The following FLG variants were observed in gnomAD, a reference collection of about 807,000 sequenced individuals.
The protein encoded by FLG is filaggrin.
In FLG, 6 loss-of-function variants were observed where a neutral mutation model predicts 3.8. That is an observed-to-expected ratio of 1.60 (90% confidence interval 0.87 to 3.15). The LOEUF (loss-of-function observed/expected upper bound fraction) is 3.15. Among genes scored for constraint, FLG ranks in the 30% most tolerant of loss-of-function variants. The probability of loss-of-function intolerance (pLI) is 0.00; values close to 1 mark genes in which losing one functional copy is unlikely to be tolerated. For missense variants in FLG, 7,595 were observed against 5,050.9 expected (o/e 1.50, Z -15.27); for synonymous variants, 2,551 against 1,931.6 (o/e 1.32, Z -8.41).
At position 152,304,250 on chromosome 1, in the gene FLG, G is replaced by A. The variant is rs751218584; in HGVS notation, c.10636C>T (p.Gln3546Ter). The part of the protein sequence containing the change: ...GSSVSQDSDS[Q>*]GHSEDSERWS... ...CTCTCAGAGTCTTCTGAGTGTCCCTGACTGTCACTGTCCTGGCTAACACTG... is the reference window on the plus strand; with the variant it reads ...CTCTCAGAGTCTTCTGAGTGTCCCTAACTGTCACTGTCCTGGCTAACACTG... Residue 3546 changes from glutamine (Q) to a stop codon, truncating the protein, a stop_gained, in exon 3 of 3, where the codon CAG becomes TAG. Coordinates refer to ENST00000368799, the MANE Select transcript of FLG (RefSeq NM_002016.2). LOFTEE classifies it low-confidence loss of function (END_TRUNC). The A allele has an allele frequency of 1.2e-6, 2 of 1,612,848 alleles. No homozygotes were observed. The highest frequency in any genetic ancestry group is 1.7e-6 in the Non-Finnish European group (2 of 1,179,642).
At position 152,305,741 on chromosome 1, in the gene FLG, G is replaced by T. The variant is rs753755437; in HGVS notation, c.9145C>A (p.Arg3049Ser). 4 of 1,196,148 alleles carry T rather than the reference G, an allele frequency of 3.3e-6. No homozygotes were observed. The Admixed American group carries it at 7.3e-5, about 22-fold the overall frequency. 74.1% of individuals were successfully genotyped at this position (1,196,148 alleles called of 1,614,324 possible). Reference protein sequence around the residue: ...SHQQSHQESARGRSGETSGHS... With the variant: ...SHQQSHQESASGRSGETSGHS... ...CCAGACGTTTCCCCTGACCGGCCAC[G>T]TGCGGACTCTTGGTGGCTCTGCTGA... The change falls in exon 3 of 3, where the codon CGT (arginine) becomes AGT (serine). Residue 3049 changes from arginine (R) to serine (S), a missense_variant. Coordinates refer to ENST00000368799, the MANE Select transcript of FLG (RefSeq NM_002016.2).
At position 152,307,042 on chromosome 1, in the gene FLG, C is replaced by T. The variant is rs763882165; in HGVS notation, c.7844G>A (p.Gly2615Asp). The T allele has an allele frequency of 2.5e-6, 4 of 1,605,298 alleles. No individual in the cohort carries two copies. The highest frequency in any genetic ancestry group is 3.4e-6 in the Non-Finnish European group (4 of 1,178,596). The change falls in exon 3 of 3, where the codon GGT (glycine) becomes GAT (aspartate). Residue 2615 changes from glycine (G) to aspartate (D), a missense_variant. Coordinates refer to ENST00000368799, the MANE Select transcript of FLG (RefSeq NM_002016.2). ...GGAGCTGTCTGCAGAGTGCCCATGA[C>T]CAGCTCTGTCTTCTTGATGGGACCT... ...HPRSHQEDRA[G>D]HGHSADSSRQ...
chr1:152,302,812 G>A lies in FLG; in HGVS notation c.12074C>T (p.Pro4025Leu). ...CKASAFGKDHPRYYATYINKD... is the reference protein window; with the variant it reads ...CKASAFGKDHLRYYATYINKD... The stretch of plus-strand genomic sequence containing the variant: ...ATTAATATACGTTGCATAATACCTT[G>A]GATGATCTTTACCAAACGCACTTGC... The change falls in exon 3 of 3, where the codon CCA (proline) becomes CTA (leucine). Residue 4025 changes from proline (P) to leucine (L), a missense_variant. Coordinates refer to ENST00000368799, the MANE Select transcript of FLG (RefSeq NM_002016.2). The A allele has an allele frequency of 6.2e-7, 1 of 1,614,092 alleles. No individual in the cohort carries two copies. The highest frequency in any genetic ancestry group is 8.5e-7 in the Non-Finnish European group (1 of 1,180,016).
intron 1 of FLG, among the ~76,000 whole-genome samples, chr1:152,321,991 C>T (rs1652993456): frequency 6.6e-6 from 1 of 151,040 alleles, no homozygotes; most frequent in Non-Finnish European, 1.5e-5. Context: ...TTTGGATTAA[C>T]ATTTGAAAAC....
Position 152,309,000 on chromosome 1 carries a change from T to G in FLG, c.5886A>C (p.Glu1962Asp). 6.2e-7 allele frequency: 1 copy of G among 1,614,158 alleles called. No homozygotes were observed. Among genetic ancestry groups the G allele is most frequent in the Non-Finnish European group, 8.5e-7 (1 of 1,180,008 alleles). Residue 1962 changes from glutamate (E) to aspartate (D), a missense_variant, in exon 3 of 3, where the codon GAA (glutamate) becomes GAC (aspartate). Coordinates refer to ENST00000368799, the MANE Select transcript of FLG (RefSeq NM_002016.2). The stretch of plus-strand genomic sequence containing the variant: ...CAGAGTGCCCGTGACCGGCTCTGTC[T>G]TCGTGATGGGACCCAGGGTGTCTGG... Reference protein sequence around the residue: ...DGSRHPGSHHEDRAGHGHSAD... With the variant: ...DGSRHPGSHHDDRAGHGHSAD...
intron 1 of FLG, among the ~76,000 whole-genome samples, chr1:152,322,788 G>C (rs1281940803): frequency 6.6e-6 from 1 of 151,260 alleles, no homozygotes; most frequent in Non-Finnish European, 1.5e-5. Flanking sequence ...ATAGCATTAA[G>C]ATATCAAATC....
In FLG at chr1:152,312,329, G is replaced by T. The variant is rs1053201322; in HGVS notation, c.2557C>A (p.Gln853Lys). Reference sequence around the variant, plus strand: ...ACCGATTGCTCGTGGTGGGACCCCTGCCTTCCTCTTCTGCTTGACCCCGGG... The same window carrying T: ...ACCGATTGCTCGTGGTGGGACCCCTTCCTTCCTCTTCTGCTTGACCCCGGG... ...GHPGSSRRGR[Q>K]GSHHEQSVDR... is the part of the protein sequence containing the mutation. The change falls in exon 3 of 3, where the codon CAG (glutamine) becomes AAG (lysine). Residue 853 changes from glutamine (Q) to lysine (K), a missense_variant. Transcript: ENST00000368799. 15 of 1,613,092 alleles carry T rather than the reference G, an allele frequency of 9.3e-6. No individual in the cohort carries two copies. The highest frequency in any genetic ancestry group is 1.6e-4 in the Middle Eastern group (1 of 6,080).
chr1:152,308,632 C>A lies in FLG; in HGVS notation c.6254G>T (p.Gly2085Val). 6.2e-7 allele frequency: 1 copy of A among 1,614,140 alleles called. No homozygotes were observed. The highest frequency in any genetic ancestry group is 8.5e-7 in the Non-Finnish European group (1 of 1,180,008). Residue 2085 changes from glycine to valine, a missense_variant, in exon 3 of 3, where the codon GGA (glycine) becomes GTA (valine). By Grantham distance (109) the Gly-to-Val change is moderately radical. Transcript: ENST00000368799. ...SARGQSGESS[G>V]RSGSFLYQVS... is the part of the protein sequence containing the mutation. Reference sequence around the variant, plus strand: ...CTGGTAGAGGAAAGACCCTGAACGTCCAGAGCTTTCCCCTGACTGGCCACG... The same window carrying A: ...CTGGTAGAGGAAAGACCCTGAACGTACAGAGCTTTCCCCTGACTGGCCACG...
chr1:152,314,328 G>GT lies in FLG; in HGVS notation c.557dup (p.Asn186LysfsTer4), dbSNP rs771721862. The stretch of plus-strand genomic sequence containing the variant: ...CTCCTAATCTAGTATTTTCAGTCTT[G>GT]TTTTTCTCTTTTTTACTTGAGTTAT... On this transcript the variant is annotated frameshift_variant, in exon 3 of 3. Transcript: ENST00000368799. LOFTEE classifies it low-confidence loss of function (END_TRUNC). 100 of 1,611,814 alleles carry GT rather than the reference G, an allele frequency of 6.2e-5. No individual in the cohort carries two copies. The highest frequency in any genetic ancestry group is 2.5e-5 in the Non-Finnish European group (29 of 1,179,346).
rs761473196 is a variant in FLG, at chr1:152,310,452, C to A, written c.4434G>T (p.Arg1478Ser). Reference protein sequence around the residue: ...SRHEQARNSSRHSASQDGQDT... With the variant: ...SRHEQARNSSSHSASQDGQDT... ...CCTGACCGTCTTGGGATGCTGAGTG[C>A]CTAGAGCTGTTTCGTGCCTGCTCAT... is the stretch of plus-strand genomic sequence containing the variant. The change falls in exon 3 of 3, where the codon AGG (arginine) becomes AGT (serine). Residue 1478 changes from arginine to serine, a missense_variant. Transcript: ENST00000368799. 6.2e-7 allele frequency: 1 copy of A among 1,613,488 alleles called. No individual in the cohort carries two copies. Among genetic ancestry groups the A allele is most frequent in the South Asian group, 1.1e-5 (1 of 91,056 alleles).
At position 152,303,579 on chromosome 1, in the gene FLG, T is replaced by C. The variant is rs1021240059; in HGVS notation, c.11307A>G (p.Arg3769=). The change falls in exon 3 of 3, where the codon AGA becomes AGG. Residue 3769 remains arginine (R), a synonymous_variant. Coordinates refer to ENST00000368799, the MANE Select transcript of FLG (RefSeq NM_002016.2). ...RGHPGSRRGG[R]QGSYHEQSVD... Reference sequence around the variant, plus strand: ...CCGATTGCTCGTGGTAGGATCCCTGTCTTCCTCCTCTCCTTGACCCCGGGT... The same window carrying C: ...CCGATTGCTCGTGGTAGGATCCCTGCCTTCCTCCTCTCCTTGACCCCGGGT... The C allele has an allele frequency of 7.1e-5, 115 of 1,613,856 alleles. No homozygotes were observed. The highest frequency in any genetic ancestry group is 3.6e-4 in the East Asian group (16 of 44,862).
At position 152,310,966 on chromosome 1, in the gene FLG, C is replaced by A; in HGVS notation, c.3920G>T (p.Arg1307Ile). The change falls in exon 3 of 3, where the codon AGA becomes ATA. Residue 1307 changes from arginine (R) to isoleucine (I), a missense_variant. By Grantham distance (97) the Arg-to-Ile change is moderately conservative. Transcript: ENST00000368799. ...GTCTTCTTGATGGAACCCAGGGTGT[C>A]TGGAGCCATCTCTTGACTGCTCCCG... ...SSREQSRDGS[R>I]HPGFHQEDRA... 9 of 1,613,980 alleles carry A rather than the reference C, an allele frequency of 5.6e-6. No individual in the cohort carries two copies. Among genetic ancestry groups the A allele is most frequent in the Non-Finnish European group, 6.8e-6 (8 of 1,180,010 alleles).
chr1:152,313,376 A>C lies in FLG; in HGVS notation c.1510T>G (p.Ser504Ala). ...CCCTCTTGGGACGCTGAATGCCTGG[A>C]GCTGTCTCGTGCCTGCTCGTGGTGC... ...GSHHEQARDS[S>A]RHSASQEGQD... The change falls in exon 3 of 3, where the codon TCC (serine) becomes GCC (alanine). Residue 504 changes from serine to alanine, a missense_variant. Coordinates refer to ENST00000368799, the MANE Select transcript of FLG (RefSeq NM_002016.2). 6.2e-7 allele frequency: 1 copy of C among 1,613,058 alleles called. No individual in the cohort carries two copies. The highest frequency in any genetic ancestry group is 1.1e-5 in the South Asian group (1 of 91,004).
Position 152,309,782 on chromosome 1 carries a change from C to A in FLG, c.5104G>T (p.Asp1702Tyr), listed in dbSNP as rs905562362. The A allele has an allele frequency of 6.2e-7, 1 of 1,614,024 alleles. No homozygotes were observed. Among genetic ancestry groups the A allele is most frequent in the South Asian group, 1.1e-5 (1 of 91,064 alleles). The change falls in exon 3 of 3, where the codon GAT becomes TAT. Residue 1702 changes from aspartate (D) to tyrosine (Y), a missense_variant. By Grantham distance (160) the Asp-to-Tyr change is radical. Coordinates refer to ENST00000368799, the MANE Select transcript of FLG (RefSeq NM_002016.2). ...CCACTGTCTCCGACTACAGATGAATCTTGTCTGCGCCCAGTGCCTGAGTCT... is the reference window on the plus strand; with the variant it reads ...CCACTGTCTCCGACTACAGATGAATATTGTCTGCGCCCAGTGCCTGAGTCT... ...STDSGTGRRQ[D>Y]SSVVGDSGNR...
In FLG at chr1:152,305,175, T is replaced by A. The variant is rs1468192023; in HGVS notation, c.9711A>T (p.Arg3237Ser). 6.2e-6 allele frequency: 10 copies of A among 1,613,832 alleles called. No individual in the cohort carries two copies. Among genetic ancestry groups the A allele is most frequent in the Admixed American group, 3.3e-5 (2 of 59,990 alleles). The change falls in exon 3 of 3, where the codon AGA becomes AGT. Residue 3237 changes from arginine to serine, a missense_variant. Arg to Ser is a moderately radical substitution (Grantham distance 110). Transcript: ENST00000368799. ...DSERWSGSAS[R>S]NHRGSVQEQS... The stretch of plus-strand genomic sequence containing the variant: ...GCTCCTGAACAGATCCACGATGGTT[T>A]CTGGAAGCAGACCCAGACCACCTCT...
Position 152,313,602 on chromosome 1 carries a change from A to G in FLG, c.1284T>C (p.His428=). The change falls in exon 3 of 3, where the codon CAT becomes CAC. Residue 428 remains histidine, a synonymous_variant. Transcript: ENST00000368799. ...SGSQASDSEG[H]SENSDTQSVS... is the part of the protein sequence containing the mutation. ...CTGATTGTGTGTCTGAGTTTTCTGA[A>G]TGTCCCTCACTGTCACTGGCCTGAC... 6.2e-7 allele frequency: 1 copy of G among 1,613,162 alleles called. No individual in the cohort carries two copies. Among genetic ancestry groups the G allele is most frequent in the Non-Finnish European group, 8.5e-7 (1 of 1,179,818 alleles).
At position 152,309,781 on chromosome 1, in the gene FLG, T is replaced by G. The variant is rs766812472; in HGVS notation, c.5105A>C (p.Asp1702Ala). ...TCCACTGTCTCCGACTACAGATGAATCTTGTCTGCGCCCAGTGCCTGAGTC... is the reference window on the plus strand; with the variant it reads ...TCCACTGTCTCCGACTACAGATGAAGCTTGTCTGCGCCCAGTGCCTGAGTC... ...STDSGTGRRQ[D>A]SSVVGDSGNR... The change falls in exon 3 of 3, where the codon GAT becomes GCT. Residue 1702 changes from aspartate (D) to alanine (A), a missense_variant. Coordinates refer to ENST00000368799, the MANE Select transcript of FLG (RefSeq NM_002016.2). 20 of 1,613,710 alleles carry G rather than the reference T, an allele frequency of 1.2e-5. No homozygotes were observed. Among genetic ancestry groups the G allele is most frequent in the East Asian group, 2.2e-5 (1 of 44,814 alleles).
Position 152,305,153 on chromosome 1 carries a change from C to T in FLG, c.9733G>A (p.Glu3245Lys), listed in dbSNP as rs541679286. The T allele has an allele frequency of 2.5e-6, 4 of 1,613,760 alleles. No homozygotes were observed. Among genetic ancestry groups the T allele is most frequent in the South Asian group, 2.2e-5 (2 of 91,014 alleles). The change falls in exon 3 of 3, where the codon GAG becomes AAG. Residue 3245 changes from glutamate (E) to lysine (K), a missense_variant. Glu to Lys is a moderately conservative substitution (Grantham distance 56). Coordinates refer to ENST00000368799, the MANE Select transcript of FLG (RefSeq NM_002016.2). Reference protein sequence around the residue: ...ASRNHRGSVQEQSRHGSRHPR... With the variant: ...ASRNHRGSVQKQSRHGSRHPR... Reference sequence around the variant, plus strand: ...TGTCTGGAGCCGTGCCTTGACTGCTCCTGAACAGATCCACGATGGTTTCTG... The same window carrying T: ...TGTCTGGAGCCGTGCCTTGACTGCTTCTGAACAGATCCACGATGGTTTCTG...
rs911979815 is a variant in FLG at position 152,302,434 on chromosome 1, A to C, written c.*266T>G. 1 of 466,382 alleles carries C rather than the reference A, an allele frequency of 2.1e-6. No homozygotes were observed. The highest frequency in any genetic ancestry group is 4.1e-5 in the East Asian group (1 of 24,492). 28.9% of individuals were successfully genotyped at this position (466,382 alleles called of 1,614,324 possible). A position where few individuals can be genotyped will look rare whatever the true frequency, so the allele number is the denominator to read the frequency against. On this transcript the variant is annotated 3_prime_UTR_variant, in exon 3 of 3. Transcript: ENST00000368799. ...AAAAACATAAAACATTACTTGACCCAGAATCTCCTAAAATACTCCAGCTAG... is the reference window on the plus strand; with the variant it reads ...AAAAACATAAAACATTACTTGACCCCGAATCTCCTAAAATACTCCAGCTAG...
Sources: allele counts gnomAD v4.1 joint callset (sites outside exome capture counted in the v4.1 genomes callset), GRCh38; gene constraint gnomAD v4.1.1; transcripts MANE v1.5; gene names NCBI Gene and HGNC (gene_info 2026-07-23, HGNC 2026-07-21).